Variants in SCUBE3 observed in about 807,000 individuals in gnomAD.
SCUBE3 encodes signal peptide, CUB and EGF-like domain-containing protein 3.
SCUBE3 carries 33 observed loss-of-function variants against 116.8 expected under a neutral mutation model. That is an observed-to-expected ratio of 0.28 (90% confidence interval 0.21 to 0.38). The LOEUF (loss-of-function observed/expected upper bound fraction) is 0.38. SCUBE3 is among the 10% of genes least tolerant of loss of function. The pLI, the probability that SCUBE3 is intolerant of heterozygous loss-of-function variation, is 1.00. For synonymous variants in SCUBE3, 418 were observed against 496.9 expected (o/e 0.84, Z 2.11); for missense variants, 1,007 against 1,324.8 (o/e 0.76, Z 3.72).
chr6:35,240,473 G>T lies in SCUBE3; in HGVS notation c.1052G>T (p.Gly351Val), dbSNP rs1454298245. ...CLCHRGYLLY[G>V]ITHCGDVDEC... ...TGCCATCGTGGCTACCTGTTGTATGGTATCACCCACTGTGGGGGTAAGCTA... is the reference window on the plus strand; with the variant it reads ...TGCCATCGTGGCTACCTGTTGTATGTTATCACCCACTGTGGGGGTAAGCTA... Residue 351 changes from glycine to valine, a missense_variant, in exon 9 of 22, where the codon GGT becomes GTT. This residue lies in a region of SCUBE3 where 214 missense variants were observed against 316.7 expected (regional missense o/e 0.68). Transcript: ENST00000274938. This position sits in a 1 kb window ranked among gnomAD's most constrained non-coding sequence, Gnocchi z 4.6. 2 of 1,598,832 alleles carry T rather than the reference G, an allele frequency of 1.3e-6. No individual in the cohort carries two copies. Among genetic ancestry groups the T allele is most frequent in the Non-Finnish European group, 1.7e-6 (2 of 1,169,058 alleles).
chr6:35,237,301 T>C (rs1783815264), intron 6 of SCUBE3, among the ~76,000 whole-genome samples: 1 of 152,192 alleles, frequency 6.6e-6, no homozygotes, highest in Non-Finnish European at 1.5e-5. Flanking sequence ...CAGTATGTGC[T>C]ACCTCCTCTG....
In SCUBE3 at chr6:35,228,714, G is replaced by C; in HGVS notation, c.309G>C (p.Leu103=). The C allele has an allele frequency of 6.2e-7, 1 of 1,614,104 alleles. No homozygotes were observed. The highest frequency in any genetic ancestry group is 2.2e-5 in the East Asian group (1 of 44,888). ...GTACCTGCTATGATGGATTCCACCT[G>C]GCACATGACGGACACAACTGTCTGG... ...YRCTCYDGFH[L]AHDGHNCLDV... The change falls in exon 3 of 22, where the codon CTG becomes CTC. Residue 103 remains leucine, a synonymous_variant. Transcript: ENST00000274938. The surrounding 1 kb of genome is among the most constrained non-coding windows in gnomAD (Gnocchi z 4.9).
At chr6:35,216,070 T>C (rs2150278738) in intron 1 of SCUBE3, among the ~76,000 whole-genome samples, 1 of 152,316 alleles carries the variant, frequency 6.6e-6, no homozygotes, top group Middle Eastern at 3.4e-3. Context: ...AAGGGCCTCT[T>C]TCAAGTTGGA....
Position 35,239,334 on chromosome 6 carries a change from C to T in SCUBE3, c.830-418C>T, listed in dbSNP as rs955684646. 3.9e-5 allele frequency among the ~76,000 whole-genome samples: 6 copies of T among 152,138 alleles called. No individual in the cohort carries two copies. The highest frequency in any genetic ancestry group is 2.1e-4 in the South Asian group (1 of 4,824). ...CTTGCCCCGCACCCCCCCAACCCCC[C>T]GTCCTGAGGGACAGGAAAGAGATAA... On this transcript the variant is annotated intron_variant, in intron 7 of 21. Coordinates refer to ENST00000274938, the MANE Select transcript of SCUBE3 (RefSeq NM_152753.4). This position sits in a 1 kb window ranked among gnomAD's most constrained non-coding sequence, Gnocchi z 4.1.
rs761040470 is a variant in SCUBE3 at position 35,244,786 on chromosome 6, C to T, written c.2376C>T (p.Gly792=). ...CPGNTSTDFD[G]STSVAQCKNR... is the part of the protein sequence containing the mutation. ...GAAACACAAGCACAGACTTTGATGG[C>T]TCTACCAGTGTGGCCCAATGCAAGA... is the stretch of plus-strand genomic sequence containing the variant. The change falls in exon 18 of 22, where the codon GGC becomes GGT. Residue 792 remains glycine, a synonymous_variant. Transcript: ENST00000274938. This position sits in a 1 kb window ranked among gnomAD's most constrained non-coding sequence, Gnocchi z 4.3. 6.2e-7 allele frequency: 1 copy of T among 1,614,210 alleles called. No individual in the cohort carries two copies.
rs369274236 is a variant in SCUBE3 at position 35,246,172 on chromosome 6, G to A, written c.2753-34G>A. On this transcript the variant is annotated intron_variant, in intron 20 of 21. Transcript: ENST00000274938. The stretch of plus-strand genomic sequence containing the variant: ...AACCAGGAGAGCAGGAAGAGCTCCC[G>A]CCCCTGAGCCCCTCACCTTGGTTGA... 2.0e-5 allele frequency: 32 copies of A among 1,611,512 alleles called. No homozygotes were observed. The African/African-American group carries it at 2.1e-4, about 11-fold the overall frequency.
rs935862960 is a variant in SCUBE3, at chr6:35,219,020, G to A, written c.85+4517G>A. On this transcript the variant is annotated intron_variant, in intron 1 of 21. Coordinates refer to ENST00000274938, the MANE Select transcript of SCUBE3 (RefSeq NM_152753.4). The surrounding 1 kb of genome is among the most constrained non-coding windows in gnomAD (Gnocchi z 4.7). ...CTTCCTGCTGAAGGCAGAAGGCGCC[G>A]GGCCTCCACAGGTTACTCACCCAAA... Among the ~76,000 whole-genome samples, 7 of 152,042 alleles carry A rather than the reference G, an allele frequency of 4.6e-5. No homozygotes were observed. Among genetic ancestry groups the A allele is most frequent in the Non-Finnish European group, 5.9e-5 (4 of 68,012 alleles).
intron 3 of SCUBE3, among the ~76,000 whole-genome samples, chr6:35,230,888 C>G (rs1783518791): frequency 6.6e-6 from 1 of 152,158 alleles, no homozygotes; most frequent in South Asian, 2.1e-4. Flanking sequence ...TGAGAAGGGC[C>G]ATGGACTTGG....
At position 35,214,457 on chromosome 6, in the gene SCUBE3, C is replaced by G; in HGVS notation, c.39C>G (p.Val13=). 5 of 1,508,612 alleles carry G rather than the reference C, an allele frequency of 3.3e-6. No homozygotes were observed. Among genetic ancestry groups the G allele is most frequent in the Non-Finnish European group, 4.4e-6 (5 of 1,133,734 alleles). 93.5% of individuals were successfully genotyped at this position (1,508,612 alleles called of 1,614,324 possible). A position where few individuals can be genotyped will look rare whatever the true frequency, so the allele number is the denominator to read the frequency against. The change falls in exon 1 of 22, where the codon GTC becomes GTG. Residue 13 remains valine, a synonymous_variant. Coordinates refer to ENST00000274938, the MANE Select transcript of SCUBE3 (RefSeq NM_152753.4). This position sits in a 1 kb window ranked among gnomAD's most constrained non-coding sequence, Gnocchi z 6.3. Reference sequence around the variant, plus strand: ...GCGTACCCGGGCTCTGCCTGCTTGTCCTGCTGGTCCACGCCCGCGCCGCCC... The same window carrying G: ...GCGTACCCGGGCTCTGCCTGCTTGTGCTGCTGGTCCACGCCCGCGCCGCCC... ...SGRVPGLCLL[V]LLVHARAAQY... is the part of the protein sequence containing the mutation.
In SCUBE3 at chr6:35,214,102, G is replaced by C. The variant is rs1046319400; in HGVS notation, c.-317G>C. On this transcript the variant is annotated 5_prime_UTR_variant, in exon 1 of 22. Coordinates refer to ENST00000274938, the MANE Select transcript of SCUBE3 (RefSeq NM_152753.4). This position sits in a 1 kb window ranked among gnomAD's most constrained non-coding sequence, Gnocchi z 6.3. ...GCTGGGAATTGGGTGGGATTACACGGAGCAGCCCCGCCGCCGCCGCTGGCA... is the reference window on the plus strand; with the variant it reads ...GCTGGGAATTGGGTGGGATTACACGCAGCAGCCCCGCCGCCGCCGCTGGCA... Among the ~76,000 whole-genome samples the C allele has an allele frequency of 3.3e-5, 5 of 152,298 alleles. No individual in the cohort carries two copies. The highest frequency in any genetic ancestry group is 3.4e-3 in the Middle Eastern group (1 of 294).
rs1423437335 is a variant in SCUBE3 at position 35,235,111 on chromosome 6, C to T, written c.712+1810C>T. On this transcript the variant is annotated intron_variant, in intron 6 of 21. Coordinates refer to ENST00000274938, the MANE Select transcript of SCUBE3 (RefSeq NM_152753.4). This position sits in a 1 kb window ranked among gnomAD's most constrained non-coding sequence, Gnocchi z 4.5. ...GTATAGTTTAGCAGAAAGGGCGGCA[C>T]CCTTTGGGATTTGGGATTTTGTGGT... Among the ~76,000 whole-genome samples the T allele has an allele frequency of 2.0e-5, 3 of 152,142 alleles. No homozygotes were observed. Among genetic ancestry groups the T allele is most frequent in the South Asian group, 2.1e-4 (1 of 4,822 alleles).
intron 1 of SCUBE3, among the ~76,000 whole-genome samples, chr6:35,215,553 T>C (rs2150278047): frequency 6.6e-6 from 1 of 152,028 alleles, no homozygotes; most frequent in Non-Finnish European, 1.5e-5. Flanking sequence ...GCCAGCTGGG[T>C]GAGGAGATGG....
chr6:35,231,858 A>C lies in SCUBE3; in HGVS notation c.468A>C (p.Glu156Asp). ...DNQHTCIQRP[E>D]EGMNCMNKNH... ...AGCATACCTGTATCCAGCGGCCAGA[A>C]GGTCAGCCCATGACCTGGGATGGCC... Residue 156 changes from glutamate (E) to aspartate (D), a missense_variant and splice_region_variant, in exon 4 of 22, where the codon GAA (glutamate) becomes GAC (aspartate). Glu to Asp is a conservative substitution (Grantham distance 45). This residue lies in a region of SCUBE3 where 214 missense variants were observed against 316.7 expected (regional missense o/e 0.68). Transcript: ENST00000274938. This position sits in a 1 kb window ranked among gnomAD's most constrained non-coding sequence, Gnocchi z 4.2. 2 of 1,609,302 alleles carry C rather than the reference A, an allele frequency of 1.2e-6. No homozygotes were observed. The highest frequency in any genetic ancestry group is 1.7e-6 in the Non-Finnish European group (2 of 1,176,414).
Position 35,244,779 on chromosome 6 carries a change from T to C in SCUBE3, c.2369T>C (p.Phe790Ser). 1.2e-6 allele frequency: 2 copies of C among 1,614,210 alleles called. No homozygotes were observed. The highest frequency in any genetic ancestry group is 1.3e-5 in the African/African-American group (1 of 75,050). The change falls in exon 18 of 22, where the codon TTT becomes TCT. Residue 790 changes from phenylalanine (F) to serine (S), a missense_variant. Coordinates refer to ENST00000274938, the MANE Select transcript of SCUBE3 (RefSeq NM_152753.4). This position sits in a 1 kb window ranked among gnomAD's most constrained non-coding sequence, Gnocchi z 4.3. Reference protein sequence around the residue: ...SRCPGNTSTDFDGSTSVAQCK... With the variant: ...SRCPGNTSTDSDGSTSVAQCK... Reference sequence around the variant, plus strand: ...TGTCCAGGAAACACAAGCACAGACTTTGATGGCTCTACCAGTGTGGCCCAA... The same window carrying C: ...TGTCCAGGAAACACAAGCACAGACTCTGATGGCTCTACCAGTGTGGCCCAA...
chr6:35,245,996 C>T lies in SCUBE3; in HGVS notation c.2652C>T (p.Pro884=), dbSNP rs1784321428. ...TYETCQTYER[P]IAFTARSRKL... The stretch of plus-strand genomic sequence containing the variant: ...AGACCTGCCAGACCTACGAGCGTCC[C>T]ATTGCCTTCACTGCCCGTTCCAGGA... Residue 884 remains proline, a synonymous_variant, in exon 20 of 22, where the codon CCC becomes CCT. Coordinates refer to ENST00000274938, the MANE Select transcript of SCUBE3 (RefSeq NM_152753.4). This position sits in a 1 kb window ranked among gnomAD's most constrained non-coding sequence, Gnocchi z 4.2. The T allele has an allele frequency of 6.2e-7, 1 of 1,614,032 alleles. No individual in the cohort carries two copies. Among genetic ancestry groups the T allele is most frequent in the Admixed American group, 1.7e-5 (1 of 60,006 alleles).
rs1784029513 is a variant in SCUBE3 at position 35,241,211 on chromosome 6, G to C, written c.1140G>C (p.Gln380His). ...FGCINTPGSY[Q>H]CTCPAGQGRL... ...GCATCAACACTCCTGGCAGCTACCA[G>C]TGTACCTGCCCAGCAGGCCAGGGTC... is the stretch of plus-strand genomic sequence containing the variant. The change falls in exon 10 of 22, where the codon CAG (glutamine) becomes CAC (histidine). Residue 380 changes from glutamine (Q) to histidine (H), a missense_variant. Physicochemically the swap from Gln to His is conservative, Grantham distance 24. Transcript: ENST00000274938. This position sits in a 1 kb window ranked among gnomAD's most constrained non-coding sequence, Gnocchi z 4.1. 3 of 1,606,046 alleles carry C rather than the reference G, an allele frequency of 1.9e-6. No individual in the cohort carries two copies. Among genetic ancestry groups the C allele is most frequent in the African/African-American group, 1.3e-5 (1 of 74,816 alleles).
chr6:35,250,712 C>CTTTTTTT lies in SCUBE3; in HGVS notation c.*2017_*2023dup, dbSNP rs10530852. 2.8e-5 allele frequency: 4 copies of CTTTTTTT among 140,360 alleles called. No individual in the cohort carries two copies. The highest frequency in any genetic ancestry group is 1.5e-5 in the Non-Finnish European group (1 of 64,870). The allele number at this position is 140,360 out of a possible 1,614,324, so 8.7% of individuals were successfully genotyped here. Reference sequence around the variant, plus strand: ...ACCAACTGAGTCCTCAGGTTCATTTCTTTTTTTTTTTTTTTTCTTTTTAAC... The same window carrying CTTTTTTT: ...ACCAACTGAGTCCTCAGGTTCATTTCTTTTTTTTTTTTTTTTTTTTTTTCTTTTTAAC... On this transcript the variant is annotated 3_prime_UTR_variant, in exon 22 of 22. Coordinates refer to ENST00000274938, the MANE Select transcript of SCUBE3 (RefSeq NM_152753.4).
rs73745130 is a variant in SCUBE3 at position 35,234,974 on chromosome 6, A to T, written c.712+1673A>T. ...GTTCCTCTTCCTCTTCTCCAATAGA[A>T]CTTATTTTACCTTGCCATATATCTA... On this transcript the variant is annotated intron_variant, in intron 6 of 21. Coordinates refer to ENST00000274938, the MANE Select transcript of SCUBE3 (RefSeq NM_152753.4). Among the ~76,000 whole-genome samples, 875 of 152,304 alleles carry T rather than the reference A, an allele frequency of 5.7e-3. 8 individuals are homozygous for T. The highest frequency in any genetic ancestry group is 0.017 in the African/African-American group (694 of 41,564).
In SCUBE3 at chr6:35,246,194, T is replaced by A; in HGVS notation, c.2753-12T>A. 3.1e-6 allele frequency: 5 copies of A among 1,614,010 alleles called. No homozygotes were observed. The highest frequency in any genetic ancestry group is 4.2e-6 in the Non-Finnish European group (5 of 1,179,886). On this transcript the variant is annotated splice_polypyrimidine_tract_variant and intron_variant, in intron 20 of 21. Transcript: ENST00000274938. ...CCCGCCCCTGAGCCCCTCACCTTGG[T>A]TGACTTTGCAGAGGACTATGAGCAG...
Sources: gnomAD v4.1 joint callset for allele counts (sites outside exome capture counted in the v4.1 genomes callset) on GRCh38, gnomAD v4.1.1 for gene constraint, gnomAD v4.1.1 regional missense constraint, Gnocchi (gnomAD v3.1) non-coding constraint, MANE v1.5 for transcripts, NCBI Gene and HGNC (gene_info 2026-07-23, HGNC 2026-07-21) for gene names.